PI4KA: variants seen among roughly 807,000 people sequenced by gnomAD.
The protein encoded by PI4KA is PI4-kinase alpha.
Under a neutral mutation model 271.4 loss-of-function variants are expected in PI4KA, and 122 were observed. The ratio of observed to expected loss-of-function variants is 0.45; its 90% CI spans 0.39 to 0.52. The LOEUF is 0.52. Ranked by LOEUF, PI4KA falls within the 20% of genes least tolerant of loss-of-function variation. The pLI is 0.00. For missense variants in PI4KA, 1,969 were observed against 2,769.1 expected (o/e 0.71, Z 6.48); for synonymous variants, 1,041 against 1,078.8 (o/e 0.96, Z 0.69).
chr22:20,763,394 G>GCCA (rs1456579715), intron 22 of PI4KA, among the ~76,000 whole-genome samples: 1 of 151,210 alleles, frequency 6.6e-6, no homozygotes, highest in African/African-American at 2.4e-5. Flanking sequence ...ACAGGAGTGA[G>GCCA]CCACTGCAAC....
At chr22:20,809,989 T>C (rs982889196) in intron 9 of PI4KA, among the ~76,000 whole-genome samples, 1 of 152,154 alleles carries the variant, frequency 6.6e-6, no homozygotes, top group Non-Finnish European at 1.5e-5. Flanking sequence ...TCAGGCACTG[T>C]GTGTCTTAAA....
In PI4KA at chr22:20,779,821, AG is replaced by A. The variant is rs757907918; in HGVS notation, c.2328+13371del. On this transcript the variant is annotated intron_variant, in intron 19 of 54. Coordinates refer to ENST00000255882, the MANE Select transcript of PI4KA (RefSeq NM_058004.4). ...ATGGGTATGATTTCCTTAGGTCTGA[AG>A]GGAGAGACCCATGAACAAGTGCACT... 5.0e-6 allele frequency: 8 copies of A among 1,614,242 alleles called. No individual in the cohort carries two copies. The South Asian group carries it at 7.7e-5, about 16-fold the overall frequency.
chr22:20,789,049 T>C (rs1342648721), intron 19 of PI4KA, among the ~76,000 whole-genome samples: 2 of 152,278 alleles, frequency 1.3e-5, no homozygotes, highest in Non-Finnish European at 2.9e-5. Flanking sequence ...CTTTTGTTCA[T>C]GTACACCCAC....
intron 3 of PI4KA, among the ~76,000 whole-genome samples, chr22:20,825,424 A>G (rs998080204): frequency 6.6e-6 from 1 of 152,078 alleles, no homozygotes; most frequent in South Asian, 2.1e-4. Context: ...GCAAAATACT[A>G]TCTCTACCGA....
chr22:20,856,663 C>A (rs1927637302), intron 1 of PI4KA, among the ~76,000 whole-genome samples: 2 of 152,072 alleles, frequency 1.3e-5, no homozygotes, highest in African/African-American at 4.8e-5. Flanking sequence ...CAAACTCCGA[C>A]CTCAAGTGAT....
Position 20,765,370 on chromosome 22 carries a change from T to C in PI4KA, c.2438-134A>G, listed in dbSNP as rs1932427938. 1.3e-5 allele frequency: 13 copies of C among 992,706 alleles called. No homozygotes were observed. The East Asian group carries it at 3.2e-4, about 24-fold the overall frequency. The allele number at this position is 992,706 out of a possible 1,614,324, so 61.5% of individuals were successfully genotyped here. A position where few individuals can be genotyped will look rare whatever the true frequency, so the allele number is the denominator to read the frequency against. On this transcript the variant is annotated intron_variant, in intron 20 of 54. Coordinates refer to ENST00000255882, the MANE Select transcript of PI4KA (RefSeq NM_058004.4). ...AAACTAGGCACAGAAACGAAGTCTG[T>C]TACCTGACTTGGACAGACTTTTCCT...
At chr22:20,824,889 G>A (rs1327115224) in intron 3 of PI4KA, among the ~76,000 whole-genome samples, 4 of 151,538 alleles carry the variant, frequency 2.6e-5, no homozygotes, top group Non-Finnish European at 4.4e-5. Flanking sequence ...GGCCAACATG[G>A]TGAAACCCCG....
Position 20,804,301 on chromosome 22 carries a change from T to C in PI4KA, c.1460A>G (p.Gln487Arg), listed in dbSNP as rs1449885725. ...AHLPLLICCLQGLGRLCERFP... is the reference protein window; with the variant it reads ...AHLPLLICCLRGLGRLCERFP... ...CTCTCTGGGTTCAGGGAGACTGACCTGCAGACAGCAGATCAGCAGGGGCAA... is the reference window on the plus strand; with the variant it reads ...CTCTCTGGGTTCAGGGAGACTGACCCGCAGACAGCAGATCAGCAGGGGCAA... Residue 487 changes from glutamine to arginine, a missense_variant and splice_region_variant, in exon 12 of 55, where the codon CAG (glutamine) becomes CGG (arginine). Around this residue, in one of 13 missense-constraint regions of PI4KA, gnomAD observed 228 missense variants for 261.6 expected, o/e 0.87. Transcript: ENST00000255882. 1.9e-6 allele frequency: 3 copies of C among 1,609,298 alleles called. No homozygotes were observed. The Admixed American group carries it at 5.0e-5, about 27-fold the overall frequency.
At chr22:20,724,990 C>T (rs763296188) in intron 42 of PI4KA, among the ~76,000 whole-genome samples, 6 of 152,220 alleles carry the variant, frequency 3.9e-5, no homozygotes, top group African/African-American at 1.2e-4. Flanking sequence ...CACTCAGAGG[C>T]GCAGAGAGTG....
At chr22:20,712,856 T>G in intron 48 of PI4KA, 59 bp from the exon 49 acceptor site, 1 of 1,550,578 alleles carries the variant, frequency 6.4e-7, no homozygotes, top group Non-Finnish European at 8.7e-7. Context: ...CCAGCAGCTC[T>G]TCTGGCTCAT....
At chr22:20,725,793 G>C (rs1292199684) in intron 42 of PI4KA, 1 of 292,592 alleles carries the variant, frequency 3.4e-6, no homozygotes, top group Admixed American at 3.9e-5. Flanking sequence ...TTACTTGGGA[G>C]GGGTAGCGGG....
At chr22:20,838,029 G>A (rs1925081717) in intron 2 of PI4KA, among the ~76,000 whole-genome samples, 1 of 151,588 alleles carries the variant, frequency 6.6e-6, no homozygotes, top group Non-Finnish European at 1.5e-5. Flanking sequence ...GCTGAGGCAG[G>A]AGAATCACTT....
chr22:20,848,670 C>A (rs1217493163), intron 1 of PI4KA, among the ~76,000 whole-genome samples: 2 of 152,140 alleles, frequency 1.3e-5, no homozygotes, highest in Non-Finnish European at 2.9e-5. Context: ...TCTCATATCA[C>A]ATAAAATCTT....
rs371877127 is a variant in PI4KA, at chr22:20,749,931, G to A, written c.3217C>T (p.Pro1073Ser). Residue 1073 changes from proline to serine, a missense_variant, in exon 28 of 55, where the codon CCT (proline) becomes TCT (serine). Coordinates refer to ENST00000255882, the MANE Select transcript of PI4KA (RefSeq NM_058004.4). The part of the protein sequence containing the change: ...MILQEAMKWA[P>S]TVTKSHLQEY... The stretch of plus-strand genomic sequence containing the variant: ...TGCAGGTGGGACTTGGTGACGGTAG[G>A]TGCCCACTTCATGGCCTCCTGGAGG... 11 of 1,612,600 alleles carry A rather than the reference G, an allele frequency of 6.8e-6. No individual in the cohort carries two copies. The highest frequency in any genetic ancestry group is 7.6e-6 in the Non-Finnish European group (9 of 1,178,602).
intron 5 of PI4KA, 113 bp downstream of exon 5, chr22:20,820,426 A>G (rs1474704511): frequency 9.8e-6 from 7 of 713,056 alleles, no homozygotes; most frequent in Non-Finnish European, 1.7e-5. Context: ...TAAAATAGGA[A>G]GGTTTTCTCC....
chr22:20,787,541 T>G, intron 19 of PI4KA: 1 of 228,142 alleles, frequency 4.4e-6, no homozygotes, highest in Non-Finnish European at 8.8e-6. Context: ...AGAAGCCACC[T>G]CAAGACATAT....
intron 41 of PI4KA, among the ~76,000 whole-genome samples, 169 bp from the exon 42 acceptor site, chr22:20,726,710 G>A (rs1419465890): frequency 1.3e-5 from 2 of 152,266 alleles, no homozygotes; most frequent in Non-Finnish European, 2.9e-5. Context: ...AGGAATGGAG[G>A]AAACAGGTAA....
intron 48 of PI4KA, 57 bp from the exon 49 acceptor site, chr22:20,712,854 T>A: frequency 1.3e-6 from 2 of 1,550,628 alleles, no homozygotes; most frequent in East Asian, 4.9e-5. Flanking sequence ...CCCCAGCAGC[T>A]CTTCTGGCTC....
chr22:20,791,795 G>A (rs1447535837), intron 19 of PI4KA, among the ~76,000 whole-genome samples: 4 of 151,982 alleles, frequency 2.6e-5, no homozygotes, highest in Non-Finnish European at 5.9e-5. Context: ...ACCAATGGGG[G>A]TGTCCATGAA....
Sources: allele counts gnomAD v4.1 joint callset (sites outside exome capture counted in the v4.1 genomes callset), GRCh38; gene constraint gnomAD v4.1.1; regional missense constraint gnomAD v4.1.1; transcripts MANE v1.5; gene names NCBI Gene and HGNC (gene_info 2026-07-23, HGNC 2026-07-21).